LRRC27: variants seen among roughly 807,000 people sequenced by gnomAD.
The protein encoded by LRRC27 is leucine-rich repeat-containing protein 27.
A neutral mutation model predicts 55.0 loss-of-function variants in LRRC27; 57 were observed. That is an observed-to-expected ratio of 1.04 (90% CI 0.84 to 1.29). The LOEUF is 1.29. Ranked by LOEUF, LRRC27 falls within the 50% of genes most tolerant of loss-of-function variation. The probability of loss-of-function intolerance (pLI) is 0.00; values close to 1 mark genes in which losing one functional copy is unlikely to be tolerated. For synonymous variants in LRRC27, 278 were observed against 251.9 expected (o/e 1.10, Z -0.98); for missense variants, 721 against 651.5 (o/e 1.11, Z -1.16).
intron 5 of LRRC27, 82 bp from the exon 6 acceptor site, chr10:132,347,902 C>G: frequency 3.3e-6 from 5 of 1,499,630 alleles, no homozygotes; most frequent in Non-Finnish European, 4.5e-6. Flanking sequence ...CCCCCACCAT[C>G]CAGGCCGTCA....
intron 3 of LRRC27, among the ~76,000 whole-genome samples, chr10:132,341,215 C>A (rs1295202467): frequency 6.6e-6 from 1 of 151,914 alleles, no homozygotes; most frequent in Non-Finnish European, 1.5e-5. Flanking sequence ...CACCATTAGT[C>A]TCAGCTTAGC....
chr10:132,357,955 G>A (rs1206349069), intron 8 of LRRC27, among the ~76,000 whole-genome samples: 2 of 152,212 alleles, frequency 1.3e-5, no homozygotes, highest in Non-Finnish European at 2.9e-5. Flanking sequence ...CCCTGGGTGA[G>A]GCAGCTGAAC....
intron 10 of LRRC27, among the ~76,000 whole-genome samples, chr10:132,368,892 A>C (rs1174642780): frequency 6.6e-6 from 1 of 152,232 alleles, no homozygotes; most frequent in East Asian, 1.9e-4. Flanking sequence ...TATTTGGAAA[A>C]GATACACCCG....
In LRRC27 at chr10:132,375,284, C is replaced by CCG. The variant is rs750405920; in HGVS notation, c.*44_*45dup. The stretch of plus-strand genomic sequence containing the variant: ...TGATGGAGACGTCTTCAGACAGGAG[C>CCG]CGCTCAGTCTTCTTTCCCGGGCGTC... On this transcript the variant is annotated 3_prime_UTR_variant, in exon 11 of 11. Transcript: ENST00000368614. 2 of 1,566,628 alleles carry CCG rather than the reference C, an allele frequency of 1.3e-6. No individual in the cohort carries two copies. The highest frequency in any genetic ancestry group is 3.6e-5 in the Admixed American group (2 of 56,088).
intron 10 of LRRC27, chr10:132,366,377 A>G (rs2069080867): frequency 6.6e-6 from 1 of 152,488 alleles, no homozygotes. Flanking sequence ...AGTGGCTCCT[A>G]TATATTTGGA....
chr10:132,345,863 G>A (rs886424105), intron 5 of LRRC27, among the ~76,000 whole-genome samples: 2 of 152,232 alleles, frequency 1.3e-5, no homozygotes, highest in Admixed American at 1.3e-4. Context: ...TCCAGTTGAA[G>A]GAGACTAAAG....
At chr10:132,341,791 CT>C (rs2067427580) in intron 3 of LRRC27, among the ~76,000 whole-genome samples, 1 of 152,200 alleles carries the variant, frequency 6.6e-6, no homozygotes, top group South Asian at 2.1e-4. Flanking sequence ...TTAGGAAAGA[CT>C]GGTTTACAGT....
chr10:132,375,463 T>A lies in LRRC27; in HGVS notation c.*221T>A, dbSNP rs2069324795. ...TAAAAGAAAGGACACTGTGAGCACGTGGTCTCGCCTTCCCTTCTTCCTGCA... is the reference window on the plus strand; with the variant it reads ...TAAAAGAAAGGACACTGTGAGCACGAGGTCTCGCCTTCCCTTCTTCCTGCA... On this transcript the variant is annotated 3_prime_UTR_variant, in exon 11 of 11. Coordinates refer to ENST00000368614, the MANE Select transcript of LRRC27 (RefSeq NM_030626.3). 4.3e-6 allele frequency: 2 copies of A among 466,926 alleles called. No homozygotes were observed. The highest frequency in any genetic ancestry group is 7.6e-6 in the Non-Finnish European group (2 of 263,434). The allele number at this position is 466,926 out of a possible 1,614,324, so 28.9% of individuals were successfully genotyped here. A position where few individuals can be genotyped will look rare whatever the true frequency, so the allele number is the denominator to read the frequency against.
In LRRC27 at chr10:132,348,378, G is replaced by T. The variant is rs918869784; in HGVS notation, c.926+22G>T. ...TCAGGTAAAACTGAAAAGCAACGGG[G>T]GATTTTCTTGATCTTTGCGAATTTA... On this transcript the variant is annotated intron_variant, in intron 6 of 10. Coordinates refer to ENST00000368614, the MANE Select transcript of LRRC27 (RefSeq NM_030626.3). The surrounding 1 kb of genome is among the most constrained non-coding windows in gnomAD (Gnocchi z 4.2). The T allele has an allele frequency of 6.3e-7, 1 of 1,596,160 alleles. No individual in the cohort carries two copies. Among genetic ancestry groups the T allele is most frequent in the Non-Finnish European group, 8.5e-7 (1 of 1,170,328 alleles).
chr10:132,330,995 G>A (rs1195620911), upstream of LRRC27, among the ~76,000 whole-genome samples: 2 of 151,150 alleles, frequency 1.3e-5, no homozygotes, highest in African/African-American at 4.9e-5. Context: ...GAGGTCAGGA[G>A]ATCGAGACCA....
intron 10 of LRRC27, among the ~76,000 whole-genome samples, chr10:132,371,481 C>G (rs1174657097): frequency 6.6e-6 from 1 of 152,148 alleles, no homozygotes; most frequent in East Asian, 1.9e-4. Flanking sequence ...TCTACTCTGC[C>G]CAGAAGCCAC....
intron 3 of LRRC27, among the ~76,000 whole-genome samples, chr10:132,341,722 G>T (rs2067424678): frequency 6.6e-6 from 1 of 152,192 alleles, no homozygotes; most frequent in South Asian, 2.1e-4. Flanking sequence ...AACATTTTTG[G>T]CCGTAGAAAA....
chr10:132,372,221 G>A lies in LRRC27; in HGVS notation c.1417-2845G>A, dbSNP rs903011863. 6.7e-6 allele frequency among the ~76,000 whole-genome samples: 1 copy of A among 149,402 alleles called. No homozygotes were observed. Among genetic ancestry groups the A allele is most frequent in the Non-Finnish European group, 1.5e-5 (1 of 67,534 alleles). On this transcript the variant is annotated intron_variant, in intron 10 of 10. Coordinates refer to ENST00000368614, the MANE Select transcript of LRRC27 (RefSeq NM_030626.3). This position sits in a 1 kb window ranked among gnomAD's most constrained non-coding sequence, Gnocchi z 4.0. Reference sequence around the variant, plus strand: ...TGGGGGTCGGGGTGCGGTGGCTCACGCCTGCAATCCCAGCTGAAAAGCACA... The same window carrying A: ...TGGGGGTCGGGGTGCGGTGGCTCACACCTGCAATCCCAGCTGAAAAGCACA...
At chr10:132,345,841 T>C (rs1411443991) in intron 5 of LRRC27, among the ~76,000 whole-genome samples, 1 of 152,080 alleles carries the variant, frequency 6.6e-6, no homozygotes, top group African/African-American at 2.4e-5. Context: ...AGAGGAGAAG[T>C]TGAAGGTTCA....
At chr10:132,339,520 C>T (rs933478527) in intron 3 of LRRC27, among the ~76,000 whole-genome samples, 7 of 152,106 alleles carry the variant, frequency 4.6e-5, no homozygotes, top group African/African-American at 1.2e-4. Context: ...AAGAGTGTTC[C>T]GGGGCTCAGC....
At chr10:132,364,134 G>C (rs1361203358) in intron 9 of LRRC27, among the ~76,000 whole-genome samples, 2 of 151,988 alleles carry the variant, frequency 1.3e-5, no homozygotes, top group African/African-American at 4.8e-5. Flanking sequence ...GCCCTGACCT[G>C]AGGGCTCTGT....
Position 132,378,451 on chromosome 10 carries a change from AG to A in LRRC27, c.*3210del, listed in dbSNP as rs1369481696. ...TTCTCCCTCTTCTCCCTGAGACTTC[AG>A]TTTTGTGTGTGTGTGCACATGTGTG... is the stretch of plus-strand genomic sequence containing the variant. On this transcript the variant is annotated 3_prime_UTR_variant, in exon 11 of 11. Transcript: ENST00000368614. 2 of 146,402 alleles carry A rather than the reference AG, an allele frequency of 1.4e-5. No homozygotes were observed. Among genetic ancestry groups the A allele is most frequent in the African/African-American group, 2.5e-5 (1 of 39,360 alleles). 9.1% of individuals were successfully genotyped at this position (146,402 alleles called of 1,614,324 possible).
upstream of LRRC27, chr10:132,330,401 T>C (rs1215865745): frequency 2.8e-6 from 2 of 716,754 alleles, no homozygotes; most frequent in Admixed American, 2.0e-5. Context: ...GCAACACCCA[T>C]GTCACTCCTC....
At chr10:132,345,776 G>T (rs2067654481) in intron 5 of LRRC27, among the ~76,000 whole-genome samples, 1 of 152,116 alleles carries the variant, frequency 6.6e-6, no homozygotes, top group South Asian at 2.1e-4. Flanking sequence ...CCGGAGCCAG[G>T]ACACAGGGAG....
Sources: allele counts gnomAD v4.1 joint callset (sites outside exome capture counted in the v4.1 genomes callset), GRCh38; gene constraint gnomAD v4.1.1; non-coding constraint Gnocchi (gnomAD v3.1); transcripts MANE v1.5; gene names NCBI Gene and HGNC (gene_info 2026-07-23, HGNC 2026-07-21).